HEATR5B: variants seen among roughly 807,000 people sequenced by gnomAD.
HEATR5B encodes HEAT repeat containing 5B.
In HEATR5B, 156 loss-of-function variants were observed where a neutral mutation model predicts 224.1. The ratio of observed to expected loss-of-function variants is 0.70; its 90% confidence interval spans 0.61 to 0.80. The LOEUF (loss-of-function observed/expected upper bound fraction) is 0.80, where lower values mean the gene tolerates loss of function less well. Ranked by LOEUF, HEATR5B falls within the 30% of genes least tolerant of loss-of-function variation. The pLI, the probability that HEATR5B is intolerant of heterozygous loss-of-function variation, is 0.00. For synonymous variants in HEATR5B, 1,027 were observed against 893.0 expected, an observed-to-expected ratio of 1.15 and a Z score of -2.68; for missense variants, 2,323 against 2,535.5, an observed-to-expected ratio of 0.92 and a Z score of 1.80.
At chr2:36,994,579 G>C (rs1666559649) in intron 33 of HEATR5B, among the ~76,000 whole-genome samples, 1 of 152,090 alleles carries the variant, frequency 6.6e-6, no homozygotes, top group Non-Finnish European at 1.5e-5. Context: ...TATGAACTCA[G>C]TTCCAGACAG....
chr2:37,003,857 C>T (rs1667247499), intron 30 of HEATR5B, among the ~76,000 whole-genome samples, 171 bp from the exon 31 acceptor site: 1 of 152,106 alleles, frequency 6.6e-6, no homozygotes, highest in Non-Finnish European at 1.5e-5. Flanking sequence ...GAAATGGTCA[C>T]ATTTTACTCC....
At chr2:36,986,997 C>T (rs570412547) in intron 35 of HEATR5B, among the ~76,000 whole-genome samples, 2 of 152,262 alleles carry the variant, frequency 1.3e-5, no homozygotes, top group South Asian at 2.1e-4. Flanking sequence ...AAGTGATCTG[C>T]TCACCTTGGC....
At chr2:37,042,009 T>G (rs990360508) in intron 18 of HEATR5B, among the ~76,000 whole-genome samples, 2 of 152,008 alleles carry the variant, frequency 1.3e-5, no homozygotes, top group African/African-American at 4.8e-5. Flanking sequence ...ATAATTATGA[T>G]TTGAACCTCT....
chr2:37,074,890 C>T (rs898922174), intron 5 of HEATR5B, among the ~76,000 whole-genome samples: 4 of 152,096 alleles, frequency 2.6e-5, no homozygotes, highest in African/African-American at 4.8e-5. Context: ...ATTAGAATGG[C>T]TTAAATTAAA....
rs1448006926 is a variant in HEATR5B at position 37,084,335 on chromosome 2, G to A, written c.-89C>T. 4.8e-6 allele frequency: 2 copies of A among 413,976 alleles called. No homozygotes were observed. Among genetic ancestry groups the A allele is most frequent in the East Asian group, 3.6e-5 (1 of 28,066 alleles). The allele number at this position is 413,976 out of a possible 1,614,324, so 25.6% of individuals were successfully genotyped here. On this transcript the variant is annotated 5_prime_UTR_variant, in exon 1 of 36. Transcript: ENST00000233099. ...GAAGCAGCCACCAAGAGACCCGGAT[G>A]CCCCACCTCCCGCACTCCTACCTGC...
intron 5 of HEATR5B, 141 bp downstream of exon 5, chr2:37,075,344 C>T (rs190234499): frequency 2.4e-5 from 14 of 582,304 alleles, no homozygotes; most frequent in Admixed American, 2.1e-4. Context: ...TGATGTGATA[C>T]TATTATATAT....
At chr2:37,028,401 C>T (rs1668914722) in intron 23 of HEATR5B, among the ~76,000 whole-genome samples, 1 of 151,952 alleles carries the variant, frequency 6.6e-6, no homozygotes. Context: ...GTTTTACATA[C>T]TATGTCATAC....
intron 11 of HEATR5B, 129 bp from the exon 12 acceptor site, chr2:37,060,862 T>C (rs1332705494): frequency 3.4e-6 from 2 of 593,596 alleles, no homozygotes; most frequent in African/African-American, 1.9e-5. Context: ...ATACTGATGT[T>C]TAACAATATC....
At chr2:37,009,574 T>C (rs951077545) in intron 27 of HEATR5B, among the ~76,000 whole-genome samples, 2 of 151,236 alleles carry the variant, frequency 1.3e-5, no homozygotes, top group Non-Finnish European at 2.9e-5. Context: ...TGAGATCCTG[T>C]CTCAAAAAAA....
At chr2:37,057,936 A>G (rs1671017158) in intron 14 of HEATR5B, among the ~76,000 whole-genome samples, 1 of 152,240 alleles carries the variant, frequency 6.6e-6, no homozygotes, top group South Asian at 2.1e-4. Flanking sequence ...AATGAACCAC[A>G]GCACACCAAA....
chr2:36,993,996 G>A (rs145679182), intron 33 of HEATR5B, among the ~76,000 whole-genome samples: 2 of 152,184 alleles, frequency 1.3e-5, no homozygotes, highest in East Asian at 1.9e-4. Flanking sequence ...GCTCTATGAC[G>A]GTTATTATTA....
In HEATR5B at chr2:37,059,430, GTGTGTGTGTGTGTGTGTA is replaced by G. The variant is rs1470533337; in HGVS notation, c.1850-461_1850-444del. On this transcript the variant is annotated intron_variant, in intron 12 of 35. Coordinates refer to ENST00000233099, the MANE Select transcript of HEATR5B (RefSeq NM_019024.3). ...TATGTGTGTGTGTGTGTGTGTGTGT[GTGTGTGTGTGTGTGTGTA>G]TATATATATATATATATTTTTTTTT... Among the ~76,000 whole-genome samples the G allele has an allele frequency of 1.5e-3, 124 of 84,924 alleles. 2 individuals carry two copies. The highest frequency in any genetic ancestry group is 5.8e-3 in the South Asian group (12 of 2,058). The allele number at this position is 84,924 out of a possible 152,430, so 55.7% of individuals were successfully genotyped here. A position where few individuals can be genotyped will look rare whatever the true frequency, so the allele number is the denominator to read the frequency against.
chr2:37,027,118 A>G (rs955901699), intron 24 of HEATR5B, among the ~76,000 whole-genome samples: 5 of 152,142 alleles, frequency 3.3e-5, no homozygotes, highest in Admixed American at 1.3e-4. Flanking sequence ...TGTTTTAAAA[A>G]TATCTATGTG....
chr2:36,987,769 T>C (rs1480339791), intron 35 of HEATR5B, among the ~76,000 whole-genome samples: 3 of 152,264 alleles, frequency 2.0e-5, no homozygotes, highest in South Asian at 4.1e-4. Context: ...TTAGAATATA[T>C]TATTTTAAAA....
At position 37,033,734 on chromosome 2, in the gene HEATR5B, G is replaced by A. The variant is rs565398439; in HGVS notation, c.3217-961C>T. Among the ~76,000 whole-genome samples, 9 of 152,242 alleles carry A rather than the reference G, an allele frequency of 5.9e-5. No homozygotes were observed. The South Asian group carries it at 1.5e-3, about 25-fold the overall frequency. On this transcript the variant is annotated intron_variant, in intron 21 of 35. Coordinates refer to ENST00000233099, the MANE Select transcript of HEATR5B (RefSeq NM_019024.3). Reference sequence around the variant, plus strand: ...TCCTGGCTCTGTCACTTATTCCTGTGACACCTTACACAAGTTACTCAGCCC... The same window carrying A: ...TCCTGGCTCTGTCACTTATTCCTGTAACACCTTACACAAGTTACTCAGCCC...
At position 37,072,294 on chromosome 2, in the gene HEATR5B, A is replaced by C. The variant is rs369254519; in HGVS notation, c.598-13T>G. The C allele has an allele frequency of 1.9e-6, 3 of 1,579,408 alleles. No individual in the cohort carries two copies. In the African/African-American group the frequency reaches 4.1e-5, roughly 21 times the overall value. On this transcript the variant is annotated splice_polypyrimidine_tract_variant and intron_variant, in intron 5 of 35. Transcript: ENST00000233099. The stretch of plus-strand genomic sequence containing the variant: ...GTTCTAGTAGACACTGGAATTAAAA[A>C]CAAAAAAGTAAATAACATCCTATAA...
In HEATR5B at chr2:37,021,763, T is replaced by C. The variant is rs143756207; in HGVS notation, c.3854-927A>G. ...TTAGCTGGGCATGGTGGCGTGGACC[T>C]GTAGTCCCAGCTACTCAGGGGGCTG... On this transcript the variant is annotated intron_variant, in intron 24 of 35. Coordinates refer to ENST00000233099, the MANE Select transcript of HEATR5B (RefSeq NM_019024.3). Among the ~76,000 whole-genome samples the C allele has an allele frequency of 7.2e-3, 1,093 of 152,016 alleles. 18 individuals carry two copies. Among genetic ancestry groups the C allele is most frequent in the African/African-American group, 0.025 (1,032 of 41,426 alleles).
At chr2:37,010,494 T>C (rs1050992490) in intron 27 of HEATR5B, among the ~76,000 whole-genome samples, 1 of 150,904 alleles carries the variant, frequency 6.6e-6, no homozygotes, top group Admixed American at 6.6e-5. Flanking sequence ...CATGCTTGTT[T>C]CCCCCCTAAA....
intron 2 of HEATR5B, among the ~76,000 whole-genome samples, chr2:37,082,052 C>CTTTTTTTTTTTTT (rs61036576): frequency 1.3e-4 from 3 of 23,944 alleles, no homozygotes; most frequent in African/African-American, 1.5e-4. Context: ...GAAGTATCTA[C>CTTTTTTTTTTTTT]TTTTTTTTTT....
Sources: allele counts gnomAD v4.1 joint callset (sites outside exome capture counted in the v4.1 genomes callset), GRCh38; gene constraint gnomAD v4.1.1; transcripts MANE v1.5; gene names NCBI Gene and HGNC (gene_info 2026-07-23, HGNC 2026-07-21).